The following SGCZ variants were observed in gnomAD, a reference collection of about 807,000 sequenced individuals.
The protein encoded by SGCZ is zeta-sarcoglycan.
SGCZ carries 40 observed loss-of-function variants against 41.3 expected under a neutral mutation model. The ratio of observed to expected loss-of-function variants is 0.97; its 90% CI spans 0.75 to 1.26. The LOEUF (loss-of-function observed/expected upper bound fraction) is 1.26, where lower values mean the gene tolerates loss of function less well. SGCZ is among the 50% of genes most tolerant of loss of function. SGCZ has a pLI of 0.00. For missense variants in SGCZ, 552 were observed against 369.8 expected, an observed-to-expected ratio of 1.49 and a Z score of -4.04; for synonymous variants, 206 against 137.5, an observed-to-expected ratio of 1.50 and a Z score of -3.49.
intron 1 of SGCZ, among the ~76,000 whole-genome samples, chr8:15,061,843 A>G (rs1804949248): frequency 6.6e-6 from 1 of 152,142 alleles, no homozygotes; most frequent in African/African-American, 2.4e-5. Flanking sequence ...TCAGACTAAG[A>G]CACCACCCTA....
chr8:14,127,833 CAG>C (rs1802913156), intron 5 of SGCZ, among the ~76,000 whole-genome samples: 1 of 152,072 alleles, frequency 6.6e-6, no homozygotes, highest in Non-Finnish European at 1.5e-5. Context: ...ACTCATGTCA[CAG>C]GGGATTTTTG....
intron 1 of SGCZ, among the ~76,000 whole-genome samples, chr8:15,151,376 T>C (rs1309194650): frequency 6.6e-6 from 1 of 152,222 alleles, no homozygotes; most frequent in Non-Finnish European, 1.5e-5. Flanking sequence ...AGTCATTTGA[T>C]ATGCTACAAT....
chr8:14,405,037 TGTC>T (rs1563308094), intron 2 of SGCZ, among the ~76,000 whole-genome samples: 1 of 152,220 alleles, frequency 6.6e-6, no homozygotes. Flanking sequence ...AACCCTCAGC[TGTC>T]GTCTTCCTCC....
intron 4 of SGCZ, among the ~76,000 whole-genome samples, chr8:14,171,217 C>T (rs28416952): frequency 0.035 from 5,057 of 146,136 alleles, 139 homozygotes; most frequent in African/African-American, 0.074. Context: ...CCCTGGTCTT[C>T]GGCTACATTT....
chr8:15,149,046 G>T (rs1799107350), intron 1 of SGCZ, among the ~76,000 whole-genome samples: 1 of 152,166 alleles, frequency 6.6e-6, no homozygotes, highest in African/African-American at 2.4e-5. Flanking sequence ...TCCTGCTGCA[G>T]AAAGCAAAAG....
At chr8:15,229,293 G>A (rs1161911899) in intron 1 of SGCZ, among the ~76,000 whole-genome samples, 2 of 152,038 alleles carry the variant, frequency 1.3e-5, no homozygotes, top group Non-Finnish European at 2.9e-5. Context: ...TATCTAAAAA[G>A]GATTTTAATA....
At chr8:15,109,497 G>T (rs1806963834) in intron 1 of SGCZ, among the ~76,000 whole-genome samples, 1 of 152,086 alleles carries the variant, frequency 6.6e-6, no homozygotes, top group Non-Finnish European at 1.5e-5. Flanking sequence ...TGAGAGTATA[G>T]TTATTTATTT....
At chr8:15,186,142 G>C (rs1800332296) in intron 1 of SGCZ, among the ~76,000 whole-genome samples, 1 of 150,204 alleles carries the variant, frequency 6.7e-6, no homozygotes, top group South Asian at 2.1e-4. Flanking sequence ...GGCGCCTGTA[G>C]TCCCAGCTAC....
At chr8:14,414,487 A>G (rs1365162913) in intron 2 of SGCZ, among the ~76,000 whole-genome samples, 1 of 151,882 alleles carries the variant, frequency 6.6e-6, no homozygotes, top group African/African-American at 2.4e-5. Context: ...TATGTTTGGA[A>G]CCTGCTTGAG....
chr8:14,279,881 G>C (rs1183521755), intron 3 of SGCZ, among the ~76,000 whole-genome samples: 2 of 151,394 alleles, frequency 1.3e-5, no homozygotes, highest in Non-Finnish European at 3.0e-5. Context: ...CTAACAACTA[G>C]TCCCTGTGAA....
At chr8:15,022,194 A>G (rs1382688332) in intron 1 of SGCZ, among the ~76,000 whole-genome samples, 1 of 152,240 alleles carries the variant, frequency 6.6e-6, no homozygotes, top group East Asian at 1.9e-4. Flanking sequence ...GTTTATTTAT[A>G]CTTTCATTTT....
At chr8:14,833,475 A>C (rs890285202) in intron 1 of SGCZ, among the ~76,000 whole-genome samples, 18 of 152,172 alleles carry the variant, frequency 1.2e-4, no homozygotes, top group Non-Finnish European at 2.9e-5. Context: ...TGGGTCCAGG[A>C]AGCATGAGGT....
At chr8:14,428,592 T>C (rs1480522193) in intron 2 of SGCZ, among the ~76,000 whole-genome samples, 1 of 152,236 alleles carries the variant, frequency 6.6e-6, no homozygotes, top group Admixed American at 6.5e-5. Flanking sequence ...TACTGATCCG[T>C]GAAAGTTTAC....
At chr8:14,496,406 G>T (rs888873715) in intron 2 of SGCZ, among the ~76,000 whole-genome samples, 4 of 152,018 alleles carry the variant, frequency 2.6e-5, no homozygotes, top group Non-Finnish European at 2.9e-5. Context: ...GCTGGAAAAA[G>T]GAGTACAAAA....
At chr8:14,393,585 G>A (rs1301429356) in intron 2 of SGCZ, among the ~76,000 whole-genome samples, 1 of 152,014 alleles carries the variant, frequency 6.6e-6, no homozygotes, top group Admixed American at 6.6e-5. Context: ...TAGAAATTTC[G>A]GTGCATTCAC....
intron 1 of SGCZ, among the ~76,000 whole-genome samples, chr8:14,820,754 G>A (rs1039917663): frequency 4.0e-5 from 6 of 151,396 alleles, no homozygotes; most frequent in Non-Finnish European, 5.9e-5. Flanking sequence ...GGTTAATGAA[G>A]AAATTAAAAG....
At chr8:14,656,821 G>A (rs1292050989) in intron 1 of SGCZ, among the ~76,000 whole-genome samples, 1 of 151,730 alleles carries the variant, frequency 6.6e-6, no homozygotes, top group South Asian at 2.1e-4. Flanking sequence ...CCTTTAAATG[G>A]TACCAAAATC....
At chr8:14,225,165 T>C (rs1806329358) in intron 4 of SGCZ, among the ~76,000 whole-genome samples, 1 of 152,176 alleles carries the variant, frequency 6.6e-6, no homozygotes, top group African/African-American at 2.4e-5. Flanking sequence ...TGTGATAATG[T>C]GATTTTAACC....
intron 1 of SGCZ, among the ~76,000 whole-genome samples, chr8:14,738,311 C>G (rs1799107099): frequency 6.6e-6 from 1 of 152,032 alleles, no homozygotes; most frequent in Admixed American, 6.6e-5. Flanking sequence ...TTTCTTTCCA[C>G]AAGATTTTCC....
Sources: gnomAD v4.1 joint callset for allele counts (sites outside exome capture counted in the v4.1 genomes callset) on GRCh38, gnomAD v4.1.1 for gene constraint, MANE v1.5 for transcripts, NCBI Gene and HGNC (gene_info 2026-07-23, HGNC 2026-07-21) for gene names.